PDE8B: variants seen among roughly 807,000 people sequenced by gnomAD.
PDE8B encodes the protein high affinity cAMP-specific and IBMX-insensitive 3',5'-cyclic phosphodiesterase 8B.
A neutral mutation model predicts 101.3 loss-of-function variants in PDE8B; 26 were observed. The ratio of observed to expected loss-of-function variants is 0.26; its 90% CI spans 0.19 to 0.36. The LOEUF is 0.36. PDE8B is among the 10% of genes least tolerant of loss of function. The pLI is 1.00. For synonymous variants in PDE8B, 424 were observed against 429.3 expected (o/e 0.99, Z 0.15); for missense variants, 810 against 1,163.1 (o/e 0.70, Z 4.42).
chr5:77,401,204 C>A (rs972528525), intron 11 of PDE8B, among the ~76,000 whole-genome samples: 38 of 152,280 alleles, frequency 2.5e-4, no homozygotes, highest in Middle Eastern at 3.4e-3. Flanking sequence ...TGAAAACTTT[C>A]TAGACATGAA....
the PDE8B span, among the ~76,000 whole-genome samples, chr5:77,120,054 TA>T: frequency 1.3e-5 from 2 of 151,810 alleles, no homozygotes; most frequent in Admixed American, 6.6e-5. Flanking sequence ...GAAGAATGGA[TA>T]AAAAAACTGT....
intron 1 of PDE8B, among the ~76,000 whole-genome samples, chr5:77,286,799 A>G (rs957970405): frequency 2.6e-5 from 4 of 152,056 alleles, no homozygotes; most frequent in African/African-American, 9.7e-5. Flanking sequence ...CCATTTAAAT[A>G]TTTTCCATTT....
At chr5:77,160,156 T>TTA in the PDE8B span, among the ~76,000 whole-genome samples, 4 of 152,182 alleles carry the variant, frequency 2.6e-5, no homozygotes, top group Non-Finnish European at 5.9e-5. Flanking sequence ...CCAAGAATAT[T>TTA]GTACCAATTT....
At chr5:77,203,882 T>C in the PDE8B span, among the ~76,000 whole-genome samples, 1 of 152,150 alleles carries the variant, frequency 6.6e-6, no homozygotes, top group East Asian at 1.9e-4. Flanking sequence ...TAGCAAGGTG[T>C]GCATGCAGGC....
chr5:77,381,321 T>C (rs539800804), intron 10 of PDE8B, among the ~76,000 whole-genome samples: 3 of 152,290 alleles, frequency 2.0e-5, no homozygotes, highest in East Asian at 3.9e-4. Context: ...CAAGTGACTT[T>C]ACAGGATTGG....
At chr5:77,339,292 G>C (rs187293550) in intron 6 of PDE8B, among the ~76,000 whole-genome samples, 57 of 152,262 alleles carry the variant, frequency 3.7e-4, no homozygotes, top group African/African-American at 1.2e-3. Flanking sequence ...ACAAATCAGT[G>C]TCAAATTGGA....
At chr5:77,426,247 A>AGCAGCT (rs1260405805) in intron 21 of PDE8B, 198 bp from the exon 22 acceptor site, 5 of 622,334 alleles carry the variant, frequency 8.0e-6, no homozygotes, top group Non-Finnish European at 1.4e-5. Context: ...TCTTCTGATA[A>AGCAGCT]TGTCACTGAT....
chr5:77,293,433 CTT>C (rs1767820047), intron 1 of PDE8B, among the ~76,000 whole-genome samples: 1 of 152,176 alleles, frequency 6.6e-6, no homozygotes, highest in Non-Finnish European at 1.5e-5. Flanking sequence ...TTGAGAGAGA[CTT>C]AGCATTTTTT....
chr5:77,191,439 G>A, the PDE8B span, among the ~76,000 whole-genome samples: 2 of 151,330 alleles, frequency 1.3e-5, no homozygotes, highest in East Asian at 1.9e-4. Context: ...TGCAAGCTCC[G>A]CCTCCCGGGT....
intron 14 of PDE8B, among the ~76,000 whole-genome samples, chr5:77,409,989 A>G (rs921009622): frequency 6.6e-5 from 10 of 152,272 alleles, no homozygotes; most frequent in South Asian, 6.2e-4. Flanking sequence ...GGGCTCTGCA[A>G]GAAGGTGGCC....
intron 1 of PDE8B, chr5:77,290,775 G>A (rs1399494308): frequency 2.0e-6 from 3 of 1,482,122 alleles, no homozygotes; most frequent in Non-Finnish European, 2.8e-6. Context: ...CAATTTCCCT[G>A]TGGCAGTGTA....
chr5:77,279,692 G>C (rs561145120), intron 1 of PDE8B, among the ~76,000 whole-genome samples: 137 of 152,294 alleles, frequency 9.0e-4, no homozygotes, highest in Middle Eastern at 3.4e-3. Flanking sequence ...ATAACTCCAA[G>C]GTTATCCAGC....
At chr5:77,280,534 C>G (rs1417991421) in intron 1 of PDE8B, among the ~76,000 whole-genome samples, 1 of 152,206 alleles carries the variant, frequency 6.6e-6, no homozygotes, top group Non-Finnish European at 1.5e-5. Flanking sequence ...CCTGGCAATG[C>G]CAAATTGCTG....
intron 19 of PDE8B, among the ~76,000 whole-genome samples, chr5:77,420,648 G>A (rs1382024764): frequency 6.6e-6 from 1 of 152,136 alleles, no homozygotes; most frequent in African/African-American, 2.4e-5. Context: ...TGGAGTGACA[G>A]TGTCTACCTC....
intron 1 of PDE8B, among the ~76,000 whole-genome samples, chr5:77,249,630 A>C (rs1561413748): frequency 6.6e-6 from 1 of 152,250 alleles, no homozygotes; most frequent in East Asian, 1.9e-4. Context: ...TGGATGTCTC[A>C]AAAATGTGTG....
chr5:77,165,998 G>GA, the PDE8B span, among the ~76,000 whole-genome samples: 4,380 of 141,584 alleles, frequency 0.031, 222 homozygotes, highest in African/African-American at 0.11. Flanking sequence ...AAAAGAAAAA[G>GA]AAAAAAAAAA....
At chr5:77,319,429 CTCTCCGTGAT>C (rs1561520717) in intron 2 of PDE8B, among the ~76,000 whole-genome samples, 1 of 152,170 alleles carries the variant, frequency 6.6e-6, no homozygotes, top group Non-Finnish European at 1.5e-5. Context: ...TGCCTCCTAT[CTCTCCGTGAT>C]AAACCCAAAT....
chr5:77,424,357 A>G (rs1046728597), intron 20 of PDE8B, among the ~76,000 whole-genome samples: 11 of 152,246 alleles, frequency 7.2e-5, no homozygotes, highest in Admixed American at 5.2e-4. Flanking sequence ...ACTAATGTTC[A>G]TAAGCCAGGG....
chr5:77,128,810 A>G, the PDE8B span, among the ~76,000 whole-genome samples: 2 of 152,248 alleles, frequency 1.3e-5, no homozygotes, highest in East Asian at 3.8e-4. Context: ...GAACTAGGTC[A>G]AAGTCTATTT....
Sources: allele counts gnomAD v4.1 joint callset (sites outside exome capture counted in the v4.1 genomes callset), GRCh38; gene constraint gnomAD v4.1.1; transcripts MANE v1.5; gene names NCBI Gene and HGNC (gene_info 2026-07-23, HGNC 2026-07-21).